LTBP1: variants seen among roughly 807,000 people sequenced by gnomAD.
LTBP1 encodes latent-transforming growth factor beta-binding protein 1.
LTBP1 carries 129 observed loss-of-function variants against 207.6 expected under a neutral mutation model. The observed-to-expected ratio is 0.62, with a 90% CI of 0.54 to 0.72. The LOEUF (loss-of-function observed/expected upper bound fraction) is 0.72. Among genes scored for constraint, LTBP1 ranks in the 30% least tolerant of loss-of-function variants. The pLI is 0.00. For synonymous variants in LTBP1, 963 were observed against 833.7 expected (o/e 1.16, Z -2.67); for missense variants, 2,281 against 2,217.2 (o/e 1.03, Z -0.58).
intron 24 of LTBP1, among the ~76,000 whole-genome samples, chr2:33,326,673 T>TTTATTTATTTATTTA (rs1559016974): frequency 5.1e-5 from 2 of 38,990 alleles, no homozygotes; most frequent in South Asian, 9.5e-4. Flanking sequence ...TTATTTATTT[T>TTTATTTATTTATTTA]TTGGAGGCCG....
intron 2 of LTBP1, among the ~76,000 whole-genome samples, chr2:32,975,583 GTTTTTTTTTTTTTTTTTTTT>G (rs779168923): frequency 1.2e-3 from 37 of 31,382 alleles, no homozygotes; most frequent in African/African-American, 2.7e-3. Flanking sequence ...TTCATTCTTT[GTTTTTTTTTTTTTTTTTTTT>G]TTTTTTTTTT....
chr2:32,972,785 A>G (rs116009295), intron 2 of LTBP1, among the ~76,000 whole-genome samples: 7,428 of 152,196 alleles, frequency 0.049, 481 homozygotes, highest in East Asian at 0.24. Flanking sequence ...CTGCCATGTA[A>G]GATGTGCCTT....
intron 2 of LTBP1, among the ~76,000 whole-genome samples, chr2:32,969,272 T>TG (rs1680494113): frequency 2.0e-5 from 3 of 149,050 alleles, no homozygotes; most frequent in Non-Finnish European, 3.0e-5. Context: ...TGTGTGTGTG[T>TG]TTTAATTTAA....
At chr2:33,172,429 G>T (rs1447928639) in intron 5 of LTBP1, among the ~76,000 whole-genome samples, 1 of 152,048 alleles carries the variant, frequency 6.6e-6, no homozygotes, top group Non-Finnish European at 1.5e-5. Context: ...AATGGTAAAG[G>T]GATCAATTCA....
chr2:33,114,082 T>A (rs1266456069), intron 4 of LTBP1, among the ~76,000 whole-genome samples: 1 of 152,206 alleles, frequency 6.6e-6, no homozygotes, highest in Non-Finnish European at 1.5e-5. Context: ...CCTCAAGTGA[T>A]CCGCCCACTT....
At chr2:33,308,527 A>G (rs78904650) in intron 22 of LTBP1, among the ~76,000 whole-genome samples, 4,227 of 152,146 alleles carry the variant, frequency 0.028, 220 homozygotes, top group African/African-American at 0.095. Flanking sequence ...AAATTTACAG[A>G]TATGCTTCTG....
At chr2:33,232,546 C>G (rs1030716086) in intron 9 of LTBP1, among the ~76,000 whole-genome samples, 3 of 152,112 alleles carry the variant, frequency 2.0e-5, no homozygotes, top group African/African-American at 7.2e-5. Context: ...TGTCATTTTT[C>G]TGATGGCAGT....
At chr2:33,096,463 A>G (rs1451601224) in intron 3 of LTBP1, among the ~76,000 whole-genome samples, 1 of 152,192 alleles carries the variant, frequency 6.6e-6, no homozygotes, top group Non-Finnish European at 1.5e-5. Context: ...CATAGATGTA[A>G]TATATGTAAA....
chr2:33,074,463 A>G (rs1044756822), intron 3 of LTBP1, among the ~76,000 whole-genome samples: 1 of 152,230 alleles, frequency 6.6e-6, no homozygotes, highest in East Asian at 1.9e-4. Context: ...AAGGCCGGGC[A>G]TGGTGGCTCA....
At chr2:33,030,864 A>G (rs944939841) in intron 3 of LTBP1, among the ~76,000 whole-genome samples, 6 of 152,088 alleles carry the variant, frequency 3.9e-5, no homozygotes, top group African/African-American at 7.2e-5. Context: ...TTATGAAGCA[A>G]TTTTGTGTTT....
intron 19 of LTBP1, among the ~76,000 whole-genome samples, chr2:33,287,885 C>T (rs1395721297): frequency 6.6e-6 from 1 of 152,146 alleles, no homozygotes; most frequent in Admixed American, 6.5e-5. Context: ...ACTGGCTGGA[C>T]CAACATCTGT....
chr2:33,331,917 T>G (rs1265091291), intron 24 of LTBP1, among the ~76,000 whole-genome samples: 1 of 152,168 alleles, frequency 6.6e-6, no homozygotes, highest in East Asian at 1.9e-4. Context: ...AGAATTGCAG[T>G]GACCTCCTAA....
intron 3 of LTBP1, chr2:33,056,385 T>C: frequency 7.9e-7 from 1 of 1,264,832 alleles, no homozygotes; most frequent in Non-Finnish European, 1.0e-6. Flanking sequence ...CAGAATGGCC[T>C]GGATGTTAGG....
chr2:32,979,116 G>A (rs532373964), intron 2 of LTBP1, among the ~76,000 whole-genome samples: 1 of 150,798 alleles, frequency 6.6e-6, no homozygotes, highest in Non-Finnish European at 1.5e-5. Flanking sequence ...GAGATTTATT[G>A]ATTTTGTTTA....
At chr2:33,381,466 A>G (rs1380518979) in intron 31 of LTBP1, among the ~76,000 whole-genome samples, 1 of 152,188 alleles carries the variant, frequency 6.6e-6, no homozygotes, top group Non-Finnish European at 1.5e-5. Flanking sequence ...GTCTCCTTAG[A>G]GTATTAACAT....
intron 26 of LTBP1, among the ~76,000 whole-genome samples, chr2:33,349,932 G>C (rs113363783): frequency 1.3e-5 from 2 of 152,148 alleles, no homozygotes; most frequent in African/African-American, 4.8e-5. Flanking sequence ...AAGAATAGCC[G>C]TCTGGCTCTG....
rs79274149 is a variant in LTBP1 at position 33,341,229 on chromosome 2, C to G, written c.3731-1609C>G. On this transcript the variant is annotated intron_variant, in intron 24 of 33. Coordinates refer to ENST00000404816, the MANE Select transcript of LTBP1 (RefSeq NM_206943.4). Reference sequence around the variant, plus strand: ...TGATCAGGTGAAAACTATTTTCAAGCAATTTTAACATTTTTGAAGGCAGTG... The same window carrying G: ...TGATCAGGTGAAAACTATTTTCAAGGAATTTTAACATTTTTGAAGGCAGTG... Among the ~76,000 whole-genome samples the G allele has an allele frequency of 4.2e-3, 644 of 151,968 alleles. 8 individuals are homozygous for G. Among genetic ancestry groups the G allele is most frequent in the African/African-American group, 0.015 (616 of 41,442 alleles).
chr2:33,382,263 T>G (rs2095224884), intron 31 of LTBP1, among the ~76,000 whole-genome samples: 1 of 151,620 alleles, frequency 6.6e-6, no homozygotes, highest in Non-Finnish European at 1.5e-5. Context: ...CCTGGCTAAT[T>G]TTTGTATTTT....
At chr2:33,029,844 C>G (rs979117467) in intron 3 of LTBP1, among the ~76,000 whole-genome samples, 2 of 152,132 alleles carry the variant, frequency 1.3e-5, no homozygotes, top group African/African-American at 2.4e-5. Context: ...TCAAGTAAAC[C>G]ACTGTTGTTT....
Sources: allele counts gnomAD v4.1 joint callset (sites outside exome capture counted in the v4.1 genomes callset), GRCh38; gene constraint gnomAD v4.1.1; transcripts MANE v1.5; gene names NCBI Gene and HGNC (gene_info 2026-07-23, HGNC 2026-07-21).